ZNF277: variants seen among roughly 807,000 people sequenced by gnomAD.
ZNF277 encodes the protein zinc finger protein 277.
A neutral mutation model predicts 60.7 loss-of-function variants in ZNF277; 55 were observed. The observed-to-expected ratio is 0.91, with a 90% confidence interval of 0.73 to 1.13. ZNF277 has a LOEUF of 1.13. Ranked by LOEUF, ZNF277 falls within the 50% of genes most tolerant of loss-of-function variation. The pLI, the probability that ZNF277 is intolerant of heterozygous loss-of-function variation, is 0.00. For synonymous variants in ZNF277, 178 were observed against 179.3 expected (o/e 0.99, Z 0.06); for missense variants, 510 against 523.0 (o/e 0.98, Z 0.24).
At chr7:112,302,981 G>A (rs1792512571) in intron 4 of ZNF277, among the ~76,000 whole-genome samples, 1 of 140,736 alleles carries the variant, frequency 7.1e-6, no homozygotes, top group Non-Finnish European at 1.5e-5. Context: ...CAGAGTGTCA[G>A]TCTGTCACCC....
At chr7:112,339,960 C>T in intron 10 of ZNF277, 75 bp downstream of exon 10, 1 of 1,374,498 alleles carries the variant, frequency 7.3e-7, no homozygotes, top group Non-Finnish European at 1.0e-6. Context: ...TGCCTATGTT[C>T]AGTAGCTATG....
intron 4 of ZNF277, among the ~76,000 whole-genome samples, chr7:112,315,041 A>C (rs1174152122): frequency 6.6e-6 from 1 of 152,108 alleles, no homozygotes; most frequent in African/African-American, 2.4e-5. Flanking sequence ...TCAGATAAAC[A>C]TACTTTTAAA....
intron 1 of ZNF277, among the ~76,000 whole-genome samples, chr7:112,286,552 A>G (rs903490099): frequency 6.6e-6 from 1 of 152,160 alleles, no homozygotes; most frequent in Non-Finnish European, 1.5e-5. Flanking sequence ...TCCCCCTTGC[A>G]AGTACCCCGG....
intron 1 of ZNF277, among the ~76,000 whole-genome samples, chr7:112,284,535 T>C (rs191436765): frequency 6.1e-4 from 93 of 152,312 alleles, no homozygotes; most frequent in African/African-American, 2.2e-3. Context: ...AAATATAACC[T>C]ACAACTGAAG....
At chr7:112,281,268 G>A (rs1292048867) in intron 1 of ZNF277, among the ~76,000 whole-genome samples, 1 of 152,138 alleles carries the variant, frequency 6.6e-6, no homozygotes, top group Admixed American at 6.6e-5. Flanking sequence ...GTAAGGTCTT[G>A]AAGTCAGTAT....
chr7:112,319,820 G>A (rs770111841), intron 5 of ZNF277, among the ~76,000 whole-genome samples: 1 of 151,636 alleles, frequency 6.6e-6, no homozygotes, highest in Non-Finnish European at 1.5e-5. Flanking sequence ...GCCACTGATC[G>A]TACTTCTAAC....
At chr7:112,265,117 C>T (rs1021018663) in intron 1 of ZNF277, among the ~76,000 whole-genome samples, 5 of 152,108 alleles carry the variant, frequency 3.3e-5, no homozygotes, top group South Asian at 2.1e-4. Flanking sequence ...CACTTTCAGC[C>T]CCCTTCAACA....
At chr7:112,338,001 C>G (rs994616316) in intron 9 of ZNF277, among the ~76,000 whole-genome samples, 175 bp downstream of exon 9, 2 of 152,188 alleles carry the variant, frequency 1.3e-5, no homozygotes, top group Admixed American at 6.5e-5. Context: ...GTACAGTTGA[C>G]TGGACCCGAG....
chr7:112,296,931 T>TTTTTTTTTTTTTTTTTTTA (rs1792365597), intron 4 of ZNF277, among the ~76,000 whole-genome samples: 2 of 84,072 alleles, frequency 2.4e-5, no homozygotes, highest in East Asian at 4.5e-4. Flanking sequence ...TTTTTTTTTT[T>TTTTTTTTTTTTTTTTTTTA]TTTTTTTTTT....
At chr7:112,291,895 T>C (rs767456803) in intron 2 of ZNF277, among the ~76,000 whole-genome samples, 6 of 152,218 alleles carry the variant, frequency 3.9e-5, no homozygotes, top group African/African-American at 7.2e-5. Context: ...TTAAGTTGTA[T>C]GATGGTTTAT....
intron 1 of ZNF277, among the ~76,000 whole-genome samples, chr7:112,221,755 C>T (rs377003519): frequency 1.2e-4 from 19 of 152,158 alleles, no homozygotes; most frequent in East Asian, 1.2e-3. Flanking sequence ...ACTAATCTGA[C>T]AGGAGGCAGA....
intron 1 of ZNF277, among the ~76,000 whole-genome samples, chr7:112,226,341 C>A (rs1261936311): frequency 1.3e-5 from 2 of 152,116 alleles, no homozygotes; most frequent in African/African-American, 4.8e-5. Context: ...GATGTAGCAT[C>A]CTTTAAGGAA....
At chr7:112,261,391 T>C (rs1402733196) in intron 1 of ZNF277, among the ~76,000 whole-genome samples, 1 of 152,222 alleles carries the variant, frequency 6.6e-6, no homozygotes, top group Admixed American at 6.5e-5. Context: ...ATCCCATAAA[T>C]GCAATGGATG....
At chr7:112,219,206 A>G (rs1821964173) in intron 1 of ZNF277, among the ~76,000 whole-genome samples, 1 of 152,198 alleles carries the variant, frequency 6.6e-6, no homozygotes, top group African/African-American at 2.4e-5. Context: ...TCTAATGATT[A>G]GTGATGTTGA....
chr7:112,296,261 G>A lies in ZNF277; in HGVS notation c.415G>A (p.Val139Ile), dbSNP rs781175241. 21 of 1,588,702 alleles carry A rather than the reference G, an allele frequency of 1.3e-5. No individual in the cohort carries two copies. The highest frequency in any genetic ancestry group is 2.7e-5 in the African/African-American group (2 of 73,636). The change falls in exon 4 of 12, where the codon GTT becomes ATT. Residue 139 changes from valine to isoleucine, a missense_variant. Val to Ile is a conservative substitution (Grantham distance 29). Coordinates refer to ENST00000361822, the MANE Select transcript of ZNF277 (RefSeq NM_021994.3). ...EQENYFLLCD[V>I]LPEDRILREE... is the part of the protein sequence containing the mutation. ...AGAGAATTATTTTTTGTTATGTGACGTTTTACCAGAAGATAGAATTCTTAG... is the reference window on the plus strand; with the variant it reads ...AGAGAATTATTTTTTGTTATGTGACATTTTACCAGAAGATAGAATTCTTAG...
At chr7:112,261,034 A>G (rs946677152) in intron 1 of ZNF277, among the ~76,000 whole-genome samples, 1 of 152,238 alleles carries the variant, frequency 6.6e-6, no homozygotes, top group African/African-American at 2.4e-5. Flanking sequence ...ACCCTTAATT[A>G]GTTTCTATTA....
At chr7:112,261,294 C>G (rs1221355826) in intron 1 of ZNF277, among the ~76,000 whole-genome samples, 5 of 152,080 alleles carry the variant, frequency 3.3e-5, no homozygotes, top group South Asian at 2.1e-4. Context: ...GAAGACTGTC[C>G]CTCCTTTTAC....
intron 1 of ZNF277, among the ~76,000 whole-genome samples, chr7:112,222,676 T>G (rs758846083): frequency 9.2e-5 from 14 of 152,376 alleles, no homozygotes; most frequent in Admixed American, 3.9e-4. Flanking sequence ...TAGTTGTTAC[T>G]GTGGGACTGA....
intron 1 of ZNF277, among the ~76,000 whole-genome samples, chr7:112,270,251 A>G (rs1034544445): frequency 1.3e-5 from 2 of 152,126 alleles, no homozygotes; most frequent in African/African-American, 2.4e-5. Context: ...ACTTACATCA[A>G]ATTGAGGTCA....
Sources: allele counts gnomAD v4.1 joint callset (sites outside exome capture counted in the v4.1 genomes callset), GRCh38; gene constraint gnomAD v4.1.1; transcripts MANE v1.5; gene names NCBI Gene and HGNC (gene_info 2026-07-23, HGNC 2026-07-21).